The following CEP85L variants were observed in gnomAD, a reference collection of about 807,000 sequenced individuals.
The protein encoded by CEP85L is centrosomal protein 85L.
CEP85L carries 60 observed loss-of-function variants against 100.3 expected under a neutral mutation model. That is an observed-to-expected ratio of 0.60 (90% CI 0.49 to 0.74). CEP85L has a LOEUF of 0.74. CEP85L is among the 30% of genes least tolerant of loss of function. The probability of loss-of-function intolerance (pLI) is 0.00; values close to 1 mark genes in which losing one functional copy is unlikely to be tolerated. For missense variants in CEP85L, 973 were observed against 936.2 expected, an observed-to-expected ratio of 1.04 and a Z score of -0.51; for synonymous variants, 319 against 322.7, an observed-to-expected ratio of 0.99 and a Z score of 0.12.
chr6:118,521,935 AT>A (rs1290391448), intron 4 of CEP85L, among the ~76,000 whole-genome samples: 9 of 152,172 alleles, frequency 5.9e-5, no homozygotes, highest in African/African-American at 1.9e-4. Flanking sequence ...TATGTCAATA[AT>A]TTTCTGCATT....
intron 3 of CEP85L, among the ~76,000 whole-genome samples, chr6:118,525,497 G>A (rs1026630540): frequency 1.3e-5 from 2 of 152,076 alleles, no homozygotes; most frequent in Admixed American, 6.6e-5. Flanking sequence ...CTAAAGAAAG[G>A]GGAAATTTTG....
intron 1 of CEP85L, among the ~76,000 whole-genome samples, chr6:118,649,734 T>C (rs1337680756): frequency 2.7e-5 from 2 of 75,228 alleles, no homozygotes; most frequent in Non-Finnish European, 6.5e-5. Context: ...ACATACAATT[T>C]AGAAAAAAAA....
chr6:118,538,576 T>C (rs905312865), intron 3 of CEP85L, among the ~76,000 whole-genome samples: 3 of 152,032 alleles, frequency 2.0e-5, no homozygotes, highest in Non-Finnish European at 2.9e-5. Flanking sequence ...TCGGTTAGTA[T>C]TATCATGTCT....
intron 2 of CEP85L, among the ~76,000 whole-genome samples, chr6:118,609,608 A>T (rs746237004): frequency 1.5e-4 from 23 of 152,334 alleles, no homozygotes; most frequent in Middle Eastern, 3.4e-3. Flanking sequence ...ACCCAGTGAA[A>T]TGACAAAAAG....
chr6:118,471,796 G>C (rs1772978317), intron 10 of CEP85L, among the ~76,000 whole-genome samples: 1 of 150,326 alleles, frequency 6.7e-6, no homozygotes, highest in Admixed American at 6.6e-5. Context: ...AGTCAACAAG[G>C]GGCTCTCTGA....
At chr6:118,516,690 G>A (rs191559064) in intron 4 of CEP85L, among the ~76,000 whole-genome samples, 20 of 152,278 alleles carry the variant, frequency 1.3e-4, no homozygotes, top group Admixed American at 1.2e-3. Context: ...CTCCCATTCT[G>A]TAGGTTGCCT....
chr6:118,596,238 T>C (rs949099259), intron 2 of CEP85L, among the ~76,000 whole-genome samples: 1 of 152,142 alleles, frequency 6.6e-6, no homozygotes, highest in Non-Finnish European at 1.5e-5. Context: ...GGATATGACA[T>C]AATCTGATAT....
At chr6:118,633,741 T>C (rs972775626) in intron 1 of CEP85L, among the ~76,000 whole-genome samples, 2 of 152,238 alleles carry the variant, frequency 1.3e-5, no homozygotes, top group East Asian at 1.9e-4. Context: ...AGAAATGTTA[T>C]TGTACTATAA....
chr6:118,492,440 G>C (rs1244583185), intron 5 of CEP85L, among the ~76,000 whole-genome samples: 2 of 151,980 alleles, frequency 1.3e-5, no homozygotes, highest in Non-Finnish European at 2.9e-5. Flanking sequence ...CACAAAATAA[G>C]TACTCACAAA....
intron 2 of CEP85L, among the ~76,000 whole-genome samples, chr6:118,609,258 G>A (rs1292297449): frequency 2.6e-5 from 4 of 152,104 alleles, no homozygotes; most frequent in East Asian, 3.9e-4. Flanking sequence ...AGAAGGAAAC[G>A]AAATAAAGGG....
Position 118,558,103 on chromosome 6 carries a change from C to T in CEP85L, c.1020+7426G>A, listed in dbSNP as rs557646161. On this transcript the variant is annotated intron_variant, in intron 3 of 12. Transcript: ENST00000368491. ...AGTAGCTAGGATTACAGGCACATGCCACCAGCCTAGCTAATTTTTATATTT... is the reference window on the plus strand; with the variant it reads ...AGTAGCTAGGATTACAGGCACATGCTACCAGCCTAGCTAATTTTTATATTT... Among the ~76,000 whole-genome samples the T allele has an allele frequency of 1.2e-4, 18 of 152,164 alleles. 1 individual carries two copies. In the South Asian group the frequency reaches 3.7e-3, roughly 32 times the overall value.
intron 6 of CEP85L, among the ~76,000 whole-genome samples, chr6:118,484,707 T>C (rs1010286336): frequency 2.6e-5 from 4 of 152,314 alleles, no homozygotes; most frequent in Admixed American, 1.3e-4. Context: ...TGCATAACTA[T>C]ACCCAAATGC....
chr6:118,579,755 A>G (rs1389271833), intron 2 of CEP85L, among the ~76,000 whole-genome samples: 1 of 152,246 alleles, frequency 6.6e-6, no homozygotes, highest in Admixed American at 6.5e-5. Context: ...GATAGAGAAG[A>G]CAAGGGGTCC....
intron 2 of CEP85L, among the ~76,000 whole-genome samples, chr6:118,603,157 G>T (rs759178029): frequency 6.6e-6 from 1 of 152,026 alleles, no homozygotes; most frequent in Non-Finnish European, 1.5e-5. Flanking sequence ...CCAGCCTTGG[G>T]TTTCTACCCT....
intron 5 of CEP85L, among the ~76,000 whole-genome samples, chr6:118,509,406 A>G (rs1012879989): frequency 1.3e-5 from 2 of 152,124 alleles, no homozygotes; most frequent in African/African-American, 2.4e-5. Flanking sequence ...AAATAACTGT[A>G]CATTATTCTC....
intron 1 of CEP85L, among the ~76,000 whole-genome samples, chr6:118,647,292 T>C (rs141637197): frequency 1.1e-3 from 174 of 152,324 alleles, no homozygotes; most frequent in African/African-American, 3.8e-3. Flanking sequence ...TCCTGTAACA[T>C]TTTATTTTCG....
At chr6:118,544,293 T>C (rs1204684215) in intron 3 of CEP85L, among the ~76,000 whole-genome samples, 2 of 152,136 alleles carry the variant, frequency 1.3e-5, no homozygotes, top group African/African-American at 2.4e-5. Context: ...GATGTATGTG[T>C]TTCCCTTTGT....
intron 2 of CEP85L, among the ~76,000 whole-genome samples, chr6:118,602,569 T>C (rs1433641613): frequency 6.6e-6 from 1 of 152,208 alleles, no homozygotes; most frequent in African/African-American, 2.4e-5. Flanking sequence ...TTAGCCTACG[T>C]TGCAGAAACA....
intron 12 of CEP85L, among the ~76,000 whole-genome samples, chr6:118,466,269 C>T (rs969322610): frequency 6.6e-6 from 1 of 152,166 alleles, no homozygotes; most frequent in Non-Finnish European, 1.5e-5. Context: ...AGAAACCTCT[C>T]CTTATACCTT....
Sources: allele counts gnomAD v4.1 joint callset (sites outside exome capture counted in the v4.1 genomes callset), GRCh38; gene constraint gnomAD v4.1.1; transcripts MANE v1.5; gene names NCBI Gene and HGNC (gene_info 2026-07-23, HGNC 2026-07-21).